Variants in FRAS1 observed in about 807,000 individuals in gnomAD.
FRAS1 encodes extracellular matrix organizing protein FRAS1.
A neutral mutation model predicts 435.2 loss-of-function variants in FRAS1; 290 were observed. The observed-to-expected ratio is 0.67, with a 90% CI of 0.61 to 0.73. The LOEUF is 0.73. Ranked by LOEUF, FRAS1 falls within the 30% of genes least tolerant of loss-of-function variation. FRAS1 has a pLI of 0.00. For synonymous variants in FRAS1, 1,800 were observed against 1,851.0 expected (o/e 0.97, Z 0.71); for missense variants, 4,860 against 5,001.5 (o/e 0.97, Z 0.85).
chr4:78,421,468 C>T (rs1397179983), intron 33 of FRAS1, among the ~76,000 whole-genome samples: 2 of 152,142 alleles, frequency 1.3e-5, no homozygotes, highest in Admixed American at 6.5e-5. Flanking sequence ...ATATTCTAGC[C>T]ATGCTGGCAG....
intron 2 of FRAS1, among the ~76,000 whole-genome samples, chr4:78,081,219 C>A (rs904076548): frequency 6.6e-6 from 1 of 152,088 alleles, no homozygotes; most frequent in African/African-American, 2.4e-5. Flanking sequence ...ATATTGGCCT[C>A]GTGGAAATCT....
At chr4:78,323,941 A>C (rs1408922566) in intron 18 of FRAS1, among the ~76,000 whole-genome samples, 1 of 152,250 alleles carries the variant, frequency 6.6e-6, no homozygotes, top group African/African-American at 2.4e-5. Flanking sequence ...GAATCTTGTT[A>C]AAGATTCAGT....
intron 20 of FRAS1, among the ~76,000 whole-genome samples, chr4:78,356,992 C>G (rs148767841): frequency 6.6e-6 from 1 of 152,222 alleles, no homozygotes; most frequent in African/African-American, 2.4e-5. Flanking sequence ...ACCCAGGTAC[C>G]GAGAGGCTCT....
At chr4:78,291,323 A>G (rs1179260153) in intron 14 of FRAS1, among the ~76,000 whole-genome samples, 2 of 152,166 alleles carry the variant, frequency 1.3e-5, no homozygotes, top group African/African-American at 4.8e-5. Context: ...TCCAGCTCAG[A>G]TCATCAGGCA....
At chr4:78,306,817 C>T (rs1314790254) in intron 14 of FRAS1, among the ~76,000 whole-genome samples, 2 of 152,126 alleles carry the variant, frequency 1.3e-5, no homozygotes, top group East Asian at 3.9e-4. Context: ...TGAATGTCCT[C>T]CTGTAGCTTG....
intron 29 of FRAS1, 97 bp from the exon 30 acceptor site, chr4:78,400,637 A>C: frequency 1.6e-6 from 2 of 1,227,300 alleles, no homozygotes; most frequent in Admixed American, 2.7e-5. Context: ...TTATTAGACG[A>C]TCTTTAACAA....
At chr4:78,356,407 C>G (rs189457140) in intron 20 of FRAS1, among the ~76,000 whole-genome samples, 2 of 152,272 alleles carry the variant, frequency 1.3e-5, no homozygotes, top group East Asian at 3.9e-4. Flanking sequence ...TGGCCAAATT[C>G]CACTTTGTTT....
At chr4:78,185,072 G>A (rs1722216340) in intron 2 of FRAS1, among the ~76,000 whole-genome samples, 1 of 152,208 alleles carries the variant, frequency 6.6e-6, no homozygotes, top group Non-Finnish European at 1.5e-5. Context: ...TCAACCCCAG[G>A]ACTGTCTACC....
intron 34 of FRAS1, among the ~76,000 whole-genome samples, chr4:78,423,903 T>C (rs1192931961): frequency 6.6e-6 from 1 of 152,182 alleles, no homozygotes; most frequent in East Asian, 1.9e-4. Context: ...TCGCCCGAGT[T>C]CCTAGAGCCT....
chr4:78,184,756 T>C (rs550259490), intron 2 of FRAS1, among the ~76,000 whole-genome samples: 1 of 152,246 alleles, frequency 6.6e-6, no homozygotes, highest in East Asian at 1.9e-4. Context: ...CCCAATCCCT[T>C]ATAAAGGCCC....
intron 2 of FRAS1, among the ~76,000 whole-genome samples, chr4:78,102,955 G>C (rs561960120): frequency 6.6e-6 from 1 of 152,170 alleles, no homozygotes; most frequent in Non-Finnish European, 1.5e-5. Context: ...TCCACATCTG[G>C]AGTATATCAG....
At chr4:78,276,917 A>C (rs913971074) in intron 9 of FRAS1, among the ~76,000 whole-genome samples, 2 of 152,292 alleles carry the variant, frequency 1.3e-5, no homozygotes, top group Non-Finnish European at 2.9e-5. Context: ...CCAGAGGTGG[A>C]GTCTACAGAG....
At chr4:78,301,550 G>A (rs909671872) in intron 14 of FRAS1, among the ~76,000 whole-genome samples, 3 of 152,170 alleles carry the variant, frequency 2.0e-5, no homozygotes, top group African/African-American at 7.2e-5. Flanking sequence ...AACGATAGAT[G>A]TCAAGTAGGA....
rs1313964438 is a variant in FRAS1, at chr4:78,279,684, A to G, written c.1071+940A>G. Among the ~76,000 whole-genome samples the G allele has an allele frequency of 2.0e-5, 3 of 152,280 alleles. No homozygotes were observed. The East Asian group carries it at 5.8e-4, about 29-fold the overall frequency. The stretch of plus-strand genomic sequence containing the variant: ...TTTATTACCTAAAGGAAATATATTT[A>G]TCTTAATCTTTTCAAATTTTCCCTA... On this transcript the variant is annotated intron_variant, in intron 10 of 73. Transcript: ENST00000512123.
At chr4:78,466,122 ACC>A in intron 49 of FRAS1, 84 bp from the exon 50 acceptor site, 1 of 1,046,182 alleles carries the variant, frequency 9.6e-7, no homozygotes, top group Non-Finnish European at 1.5e-6. Context: ...GGGTTCTACT[ACC>A]CTTGATCAGC....
intron 5 of FRAS1, among the ~76,000 whole-genome samples, chr4:78,254,018 A>G (rs890647381): frequency 7.6e-4 from 15 of 19,652 alleles, no homozygotes; most frequent in Non-Finnish European, 1.9e-3. Context: ...TATGAAATAA[A>G]GACATGCTCC....
intron 2 of FRAS1, among the ~76,000 whole-genome samples, chr4:78,116,256 A>G (rs892520803): frequency 2.6e-4 from 40 of 152,206 alleles, no homozygotes; most frequent in Admixed American, 1.4e-3. Context: ...CCAACTATGT[A>G]GTCAATTTTG....
chr4:78,274,507 A>G (rs1726892764), intron 9 of FRAS1, among the ~76,000 whole-genome samples: 2 of 152,156 alleles, frequency 1.3e-5, no homozygotes, highest in South Asian at 4.2e-4. Context: ...AGATTCTGGT[A>G]TGTTGTGTCT....
chr4:78,522,537 T>C (rs1721417734), intron 68 of FRAS1, 112 bp from the exon 69 acceptor site: 1 of 943,138 alleles, frequency 1.1e-6, no homozygotes, highest in Non-Finnish European at 1.6e-6. Context: ...CTTAGTTGTT[T>C]GAGAGAAGAA....
Sources: allele counts gnomAD v4.1 joint callset (sites outside exome capture counted in the v4.1 genomes callset), GRCh38; gene constraint gnomAD v4.1.1; transcripts MANE v1.5; gene names NCBI Gene and HGNC (gene_info 2026-07-23, HGNC 2026-07-21).